Variants in MPND observed in about 807,000 individuals in gnomAD.
The protein encoded by MPND is MPN domain-containing protein.
Under a neutral mutation model 59.2 loss-of-function variants are expected in MPND, and 56 were observed. The observed-to-expected ratio is 0.95, with a 90% CI of 0.76 to 1.18. The LOEUF is 1.18. Ranked by LOEUF, MPND falls within the 50% of genes most tolerant of loss-of-function variation. The pLI, the probability that MPND is intolerant of heterozygous loss-of-function variation, is 0.00. For synonymous variants in MPND, 323 were observed against 291.9 expected (o/e 1.11, Z -1.09); for missense variants, 671 against 676.0 (o/e 0.99, Z 0.08).
chr19:4,356,360 A>G (rs1440839565), intron 8 of MPND, among the ~76,000 whole-genome samples: 1 of 152,090 alleles, frequency 6.6e-6, no homozygotes, highest in Non-Finnish European at 1.5e-5. Context: ...GCCTGGGGCC[A>G]CAGCAAGACC....
chr19:4,358,310 ATCAC>A, intron 11 of MPND, 138 bp downstream of exon 11: 1 of 732,466 alleles, frequency 1.4e-6, no homozygotes, highest in Non-Finnish European at 2.3e-6. Context: ...GGCTTCTTCC[ATCAC>A]TCAGGACAGA....
chr19:4,353,859 C>T (rs373733628), intron 4 of MPND, 186 bp from the exon 5 acceptor site: 5 of 547,664 alleles, frequency 9.1e-6, no homozygotes, highest in Non-Finnish European at 6.5e-6. Context: ...ATAAGAGTCT[C>T]ACTCTGTAAC....
chr19:4,343,760 G>A lies in MPND; in HGVS notation c.60G>A (p.Glu20=). 9 of 1,209,570 alleles carry A rather than the reference G, an allele frequency of 7.4e-6. No homozygotes were observed. The highest frequency in any genetic ancestry group is 9.3e-6 in the Non-Finnish European group (9 of 972,882). The allele number at this position is 1,209,570 out of a possible 1,614,324, so 74.9% of individuals were successfully genotyped here. The change falls in exon 2 of 13, where the codon GAG becomes GAA. Residue 20 remains glutamate (E), a synonymous_variant. Transcript: ENST00000599840. The part of the protein sequence containing the change: ...AGGAGEEAPE[E]DEDEAEAEDP... The stretch of plus-strand genomic sequence containing the variant: ...GTGCGGGCGAGGAGGCGCCGGAGGA[G>A]GACGAGGACGAAGCGGAGGCCGAGG...
At chr19:4,354,664 G>A (rs866730581) in intron 6 of MPND, 34 of 593,994 alleles carry the variant, frequency 5.7e-5, no homozygotes, top group East Asian at 4.0e-4. Flanking sequence ...TCAGGAGTTC[G>A]AGACAAGCCT....
chr19:4,353,091 C>G, intron 4 of MPND, 62 bp downstream of exon 4: 1 of 1,269,576 alleles, frequency 7.9e-7, no homozygotes, highest in Non-Finnish European at 1.0e-6. Flanking sequence ...GGGGAGGAGA[C>G]TGGGGAGAGG....
chr19:4,351,568 G>T (rs1256272750), intron 3 of MPND, among the ~76,000 whole-genome samples: 1 of 151,968 alleles, frequency 6.6e-6, no homozygotes, highest in Non-Finnish European at 1.5e-5. Flanking sequence ...TTACAGATAA[G>T]AATAGACTTG....
At chr19:4,357,835 C>G in intron 10 of MPND, 1 of 606,418 alleles carries the variant, frequency 1.6e-6, no homozygotes, top group Admixed American at 3.0e-5. Context: ...GCTTCATTCC[C>G]CAATCCTGCC....
chr19:4,348,662 T>C (rs1972244267), intron 3 of MPND: 1 of 149,782 alleles, frequency 6.7e-6, no homozygotes, highest in African/African-American at 2.5e-5. Flanking sequence ...TCTGTTGAAT[T>C]CTTTTTTTTT....
At chr19:4,353,255 T>C (rs367666320) in intron 4 of MPND, among the ~76,000 whole-genome samples, 2 of 152,154 alleles carry the variant, frequency 1.3e-5, no homozygotes, top group Non-Finnish European at 2.9e-5. Flanking sequence ...TGCTGGATTT[T>C]ATTTTATTTT....
intron 10 of MPND, 54 bp downstream of exon 10, chr19:4,357,639 G>C (rs1197049594): frequency 1.9e-6 from 3 of 1,543,060 alleles, no homozygotes; most frequent in African/African-American, 2.7e-5. Context: ...GGGGCATTTG[G>C]GTCACGACTA....
At chr19:4,350,977 C>G (rs1043963731) in intron 3 of MPND, among the ~76,000 whole-genome samples, 18 of 152,038 alleles carry the variant, frequency 1.2e-4, no homozygotes, top group Admixed American at 6.6e-4. Flanking sequence ...AGGACCGTGT[C>G]CTGGTAGGTA....
intron 3 of MPND, chr19:4,347,887 G>T: frequency 4.6e-5 from 7 of 152,822 alleles, no homozygotes; most frequent in Admixed American, 7.3e-5. Context: ...TCCATATTGT[G>T]TTTTTTTTTG....
At chr19:4,352,157 A>G (rs1401052869) in intron 3 of MPND, among the ~76,000 whole-genome samples, 1 of 152,026 alleles carries the variant, frequency 6.6e-6, no homozygotes, top group Admixed American at 6.6e-5. Context: ...TGGGTGACAG[A>G]GTGAGACCGT....
At chr19:4,353,923 T>G in intron 4 of MPND, 122 bp from the exon 5 acceptor site, 5 of 794,770 alleles carry the variant, frequency 6.3e-6, no homozygotes, top group South Asian at 1.6e-5. Context: ...CAACCTCCCA[T>G]GCTCAAGCGA....
chr19:4,353,321 G>A (rs990148076), intron 4 of MPND, among the ~76,000 whole-genome samples: 7 of 151,990 alleles, frequency 4.6e-5, no homozygotes, highest in African/African-American at 1.7e-4. Flanking sequence ...AGGCTGGAAT[G>A]CAGTGGCTCA....
chr19:4,344,944 A>G (rs1465418828), intron 2 of MPND, among the ~76,000 whole-genome samples: 2 of 139,138 alleles, frequency 1.4e-5, no homozygotes, highest in Non-Finnish European at 3.0e-5. Context: ...GGGTTTCACT[A>G]TATTGGCCAG....
At position 4,357,161 on chromosome 19, in the gene MPND, A is replaced by G. The variant is rs73919895; in HGVS notation, c.997-92A>G. 5.0e-3 allele frequency: 7,011 copies of G among 1,397,572 alleles called. 315 individuals carry two copies. In the African/African-American group the frequency reaches 0.091, roughly 18 times the overall value. The allele number at this position is 1,397,572 out of a possible 1,614,324, so 86.6% of individuals were successfully genotyped here. ...ATCACTGTGTCCCCAGGCCTGATACACAGCAGGAATTCGTTCAGGGCTGGC... is the reference window on the plus strand; with the variant it reads ...ATCACTGTGTCCCCAGGCCTGATACGCAGCAGGAATTCGTTCAGGGCTGGC... On this transcript the variant is annotated intron_variant, in intron 8 of 12. Coordinates refer to ENST00000599840, the MANE Select transcript of MPND (RefSeq NM_001300862.2).
chr19:4,343,644 C>G, intron 1 of MPND, 44 bp downstream of exon 1: 6 of 1,204,512 alleles, frequency 5.0e-6, no homozygotes, highest in Non-Finnish European at 6.2e-6. Flanking sequence ...CGCGGGGCTG[C>G]AGGGGCGCGG....
chr19:4,344,761 CAG>C (rs1972147151), intron 2 of MPND, among the ~76,000 whole-genome samples: 1 of 128,794 alleles, frequency 7.8e-6, no homozygotes, highest in South Asian at 2.5e-4. Context: ...TTTTTTGAGA[CAG>C]AGTCTCGCTT....
Sources: gnomAD v4.1 joint callset for allele counts (sites outside exome capture counted in the v4.1 genomes callset) on GRCh38, gnomAD v4.1.1 for gene constraint, MANE v1.5 for transcripts, NCBI Gene and HGNC (gene_info 2026-07-23, HGNC 2026-07-21) for gene names.